The following CCDC88A variants were observed in gnomAD, a reference collection of about 807,000 sequenced individuals.
CCDC88A encodes the protein girdin.
Under a neutral mutation model 234.3 loss-of-function variants are expected in CCDC88A, and 54 were observed. The observed-to-expected ratio is 0.23, with a 90% CI of 0.19 to 0.29. CCDC88A has a LOEUF of 0.29. Ranked by LOEUF, CCDC88A falls within the 10% of genes least tolerant of loss-of-function variation. CCDC88A has a pLI of 1.00. For missense variants in CCDC88A, 1,832 were observed against 2,123.4 expected (o/e 0.86, Z 2.70); for synonymous variants, 753 against 737.8 (o/e 1.02, Z -0.33).
At chr2:55,302,459 T>C (rs907347465) in intron 26 of CCDC88A, among the ~76,000 whole-genome samples, 1 of 152,208 alleles carries the variant, frequency 6.6e-6, no homozygotes, top group Non-Finnish European at 1.5e-5. Flanking sequence ...AGCATCATTA[T>C]TGAAAATGAA....
At chr2:55,389,395 T>A (rs967769496) in intron 2 of CCDC88A, among the ~76,000 whole-genome samples, 7 of 152,092 alleles carry the variant, frequency 4.6e-5, no homozygotes, top group African/African-American at 2.4e-5. Flanking sequence ...GGCTCAATAA[T>A]CCTGAGGCAG....
intron 2 of CCDC88A, among the ~76,000 whole-genome samples, chr2:55,408,092 T>C (rs775996158): frequency 2.8e-4 from 42 of 152,176 alleles, no homozygotes; most frequent in Non-Finnish European, 5.3e-4. Context: ...ATTAAAAAAA[T>C]AAGGAAGAAA....
intron 5 of CCDC88A, among the ~76,000 whole-genome samples, chr2:55,365,776 G>A (rs1671855007): frequency 6.6e-6 from 1 of 152,100 alleles, no homozygotes; most frequent in African/African-American, 2.4e-5. Flanking sequence ...GGCTAAAAAA[G>A]AGAAAGACTG....
chr2:55,398,230 C>T (rs191109333), intron 2 of CCDC88A, among the ~76,000 whole-genome samples: 52 of 152,248 alleles, frequency 3.4e-4, no homozygotes, highest in Admixed American at 1.5e-3. Flanking sequence ...AATAGAATAG[C>T]GGAGTTCTTG....
intron 17 of CCDC88A, among the ~76,000 whole-genome samples, chr2:55,326,250 CA>C (rs1684250557): frequency 1.3e-5 from 2 of 151,896 alleles, no homozygotes; most frequent in African/African-American, 4.8e-5. Context: ...CCCCTGCGCT[CA>C]AGCGAACTTG....
At chr2:55,298,731 G>A (rs1680500343) in intron 29 of CCDC88A, among the ~76,000 whole-genome samples, 3 of 151,762 alleles carry the variant, frequency 2.0e-5, no homozygotes, top group Admixed American at 2.0e-4. Context: ...AAACTAGCTG[G>A]GCATGGTGGC....
intron 2 of CCDC88A, chr2:55,404,875 G>C (rs1207219972): frequency 6.6e-6 from 1 of 152,318 alleles, no homozygotes; most frequent in East Asian, 1.9e-4. Context: ...GGGGTTACAG[G>C]CATGTGCCAC....
chr2:55,293,105 ATAATTT>A (rs1311481273), intron 31 of CCDC88A, among the ~76,000 whole-genome samples: 2 of 152,084 alleles, frequency 1.3e-5, no homozygotes, highest in Admixed American at 6.6e-5. Flanking sequence ...AAATAATCAC[ATAATTT>A]TAATATAATA....
chr2:55,294,209 TA>T (rs941290942), intron 31 of CCDC88A: 12 of 891,306 alleles, frequency 1.3e-5, no homozygotes, highest in South Asian at 5.2e-5. Context: ...TGACTCTCTA[TA>T]AAAAAAGAAC....
At chr2:55,294,154 A>G (rs1679759232) in intron 31 of CCDC88A, 1 of 699,560 alleles carries the variant, frequency 1.4e-6, no homozygotes, top group South Asian at 6.5e-5. Context: ...AGAAGTAAAA[A>G]TACAAATTTC....
intron 5 of CCDC88A, among the ~76,000 whole-genome samples, chr2:55,370,435 G>T (rs1257459597): frequency 6.6e-6 from 1 of 150,658 alleles, no homozygotes; most frequent in Non-Finnish European, 1.5e-5. Flanking sequence ...TGAGGTCAGG[G>T]TTTTGAGACT....
At position 55,328,445 on chromosome 2, in the gene CCDC88A, T is replaced by C; in HGVS notation, c.2856-10A>G. 1 of 1,523,464 alleles carries C rather than the reference T, an allele frequency of 6.6e-7. No homozygotes were observed. Among genetic ancestry groups the C allele is most frequent in the Non-Finnish European group, 8.9e-7 (1 of 1,127,864 alleles). The allele number at this position is 1,523,464 out of a possible 1,614,324, so 94.4% of individuals were successfully genotyped here. A position where few individuals can be genotyped will look rare whatever the true frequency, so the allele number is the denominator to read the frequency against. Reference sequence around the variant, plus strand: ...CAAAAGTTTATACCTACTATCCAAGTACAAAGTAATGTAGTTCATTATTGG... The same window carrying C: ...CAAAAGTTTATACCTACTATCCAAGCACAAAGTAATGTAGTTCATTATTGG... On this transcript the variant is annotated splice_polypyrimidine_tract_variant and intron_variant, in intron 16 of 32. Transcript: ENST00000436346. The surrounding 1 kb of genome is among the most constrained non-coding windows in gnomAD (Gnocchi z 4.3).
At chr2:55,386,559 CTTCCTGGG>C (rs1289301528) in intron 3 of CCDC88A, among the ~76,000 whole-genome samples, 2 of 151,392 alleles carry the variant, frequency 1.3e-5, no homozygotes, top group African/African-American at 4.9e-5. Flanking sequence ...GCAAACCCTG[CTTCCTGGG>C]TTCAAGTGAT....
chr2:55,323,494 T>G (rs903080306), intron 17 of CCDC88A: 3 of 152,088 alleles, frequency 2.0e-5, no homozygotes, highest in Admixed American at 6.5e-5. Context: ...TAATGTCAAG[T>G]TTCTCAAGAA....
intron 17 of CCDC88A, among the ~76,000 whole-genome samples, chr2:55,327,082 G>A (rs1553400922): frequency 6.6e-6 from 1 of 151,980 alleles, no homozygotes; most frequent in Non-Finnish European, 1.5e-5. Flanking sequence ...TAGTTAACCA[G>A]ACACAGTTCT....
intron 2 of CCDC88A, among the ~76,000 whole-genome samples, chr2:55,389,797 T>C (rs1322661773): frequency 6.6e-6 from 1 of 151,732 alleles, no homozygotes; most frequent in African/African-American, 2.4e-5. Context: ...TCCCAGCAGT[T>C]TGGGAGGCCC....
At chr2:55,337,047 C>A in intron 13 of CCDC88A, 1 of 339,922 alleles carries the variant, frequency 2.9e-6, no homozygotes, top group African/African-American at 2.2e-5. Flanking sequence ...GGGTAAATTT[C>A]ACTTTCTAAA....
rs568170562 is a variant in CCDC88A, at chr2:55,334,301, T to C, written c.2520A>G (p.Arg840=). Residue 840 remains arginine (R), a synonymous_variant, in exon 15 of 33, where the codon AGA becomes AGG. Coordinates refer to ENST00000436346, the MANE Select transcript of CCDC88A (RefSeq NM_001365480.1). The surrounding 1 kb of genome is among the most constrained non-coding windows in gnomAD (Gnocchi z 6.1). ...DKKQLEKENK[R]LRQQAEIKDT... ...CTTTAATTTCTGCTTGTTGTCGGAG[T>C]CTCTTATTTTCCTTCTCCAATTGTT... The C allele has an allele frequency of 6.9e-7, 1 of 1,456,522 alleles. No homozygotes were observed. Among genetic ancestry groups the C allele is most frequent in the Non-Finnish European group, 9.0e-7 (1 of 1,106,596 alleles). 90.2% of individuals were successfully genotyped at this position (1,456,522 alleles called of 1,614,324 possible).
At chr2:55,407,089 CT>C (rs1466329827) in intron 2 of CCDC88A, among the ~76,000 whole-genome samples, 1 of 152,048 alleles carries the variant, frequency 6.6e-6, no homozygotes, top group Non-Finnish European at 1.5e-5. Context: ...TGACATACAC[CT>C]ATAGTCCCAG....
Sources: allele counts gnomAD v4.1 joint callset (sites outside exome capture counted in the v4.1 genomes callset), GRCh38; gene constraint gnomAD v4.1.1; non-coding constraint Gnocchi (gnomAD v3.1); transcripts MANE v1.5; gene names NCBI Gene and HGNC (gene_info 2026-07-23, HGNC 2026-07-21).